PTPRM: variants seen among roughly 807,000 people sequenced by gnomAD.
PTPRM encodes protein tyrosine phosphatase receptor type M.
In PTPRM, 47 loss-of-function variants were observed where a neutral mutation model predicts 186.7. The observed-to-expected ratio is 0.25, with a 90% CI of 0.20 to 0.32. The LOEUF (loss-of-function observed/expected upper bound fraction) is 0.32. Ranked by LOEUF, PTPRM falls within the 10% of genes least tolerant of loss-of-function variation. PTPRM has a pLI of 1.00. For synonymous variants in PTPRM, 668 were observed against 674.9 expected (o/e 0.99, Z 0.16); for missense variants, 1,494 against 1,865.0 (o/e 0.80, Z 3.66).
intron 14 of PTPRM, among the ~76,000 whole-genome samples, chr18:8,147,887 A>G (rs985356194): frequency 6.6e-6 from 1 of 152,166 alleles, no homozygotes; most frequent in Non-Finnish European, 1.5e-5. Context: ...CCTTTTCTGC[A>G]TCTATTGAGA....
intron 11 of PTPRM, among the ~76,000 whole-genome samples, chr18:8,100,768 A>G (rs1194560177): frequency 6.6e-6 from 1 of 152,246 alleles, no homozygotes; most frequent in African/African-American, 2.4e-5. Flanking sequence ...CGAATTGCTC[A>G]AAGAGAATAA....
chr18:8,152,007 T>G (rs565364255), intron 14 of PTPRM, among the ~76,000 whole-genome samples: 4 of 152,068 alleles, frequency 2.6e-5, no homozygotes, highest in Admixed American at 2.0e-4. Flanking sequence ...CCAGTCCCAA[T>G]TTGATGAACC....
chr18:7,604,569 A>T (rs1273908114), intron 1 of PTPRM, among the ~76,000 whole-genome samples: 1 of 152,202 alleles, frequency 6.6e-6, no homozygotes, highest in Non-Finnish European at 1.5e-5. Context: ...TGTGCCGGGA[A>T]TGTTAAGTAT....
intron 14 of PTPRM, among the ~76,000 whole-genome samples, chr18:8,170,331 T>C (rs1004217568): frequency 6.6e-6 from 1 of 152,112 alleles, no homozygotes; most frequent in Non-Finnish European, 1.5e-5. Flanking sequence ...CCCGGTGTGA[T>C]TGATGGCTGT....
At chr18:7,701,189 A>C (rs138673668) in intron 1 of PTPRM, among the ~76,000 whole-genome samples, 224 of 151,380 alleles carry the variant, frequency 1.5e-3, no homozygotes, top group Non-Finnish European at 2.1e-3. Context: ...CTGTAGTCCC[A>C]GCTACTCGGG....
chr18:7,873,421 C>T (rs923929522), intron 2 of PTPRM, among the ~76,000 whole-genome samples: 1 of 152,180 alleles, frequency 6.6e-6, no homozygotes, highest in Non-Finnish European at 1.5e-5. Flanking sequence ...GACTGGATTA[C>T]AATCTGCTTT....
At position 7,852,046 on chromosome 18, in the gene PTPRM, G is replaced by A. The variant is rs554081620; in HGVS notation, c.197-36060G>A. Among the ~76,000 whole-genome samples, 4 of 152,230 alleles carry A rather than the reference G, an allele frequency of 2.6e-5. No individual in the cohort carries two copies. The South Asian group carries it at 8.3e-4, about 32-fold the overall frequency. ...TAGAGAAGGGATATGTAAAGAACAA[G>A]CTACTGGCATGGAAATTATAATAAT... is the stretch of plus-strand genomic sequence containing the variant. On this transcript the variant is annotated intron_variant, in intron 2 of 32. Transcript: ENST00000580170.
intron 1 of PTPRM, among the ~76,000 whole-genome samples, chr18:7,616,236 G>A (rs750182685): frequency 5.9e-5 from 9 of 152,188 alleles, no homozygotes; most frequent in Middle Eastern, 3.4e-3. Flanking sequence ...TGCTCACTGC[G>A]GCCTTGACCT....
chr18:7,746,504 C>T (rs923179758), intron 1 of PTPRM, among the ~76,000 whole-genome samples: 1 of 151,666 alleles, frequency 6.6e-6, no homozygotes, highest in Non-Finnish European at 1.5e-5. Context: ...CTCGCTCTGT[C>T]GCCCAAGCCG....
At chr18:7,787,389 C>CT (rs1568130056) in intron 2 of PTPRM, among the ~76,000 whole-genome samples, 1 of 152,184 alleles carries the variant, frequency 6.6e-6, no homozygotes, top group African/African-American at 2.4e-5. Flanking sequence ...CTTTCACCTG[C>CT]TAGAAACATG....
intron 3 of PTPRM, among the ~76,000 whole-genome samples, chr18:7,896,559 A>G (rs1484173764): frequency 1.3e-5 from 2 of 151,866 alleles, no homozygotes; most frequent in African/African-American, 4.8e-5. Flanking sequence ...ATGGGTCTCC[A>G]TAAAGAAGTG....
At chr18:7,890,284 T>C (rs977435089) in intron 3 of PTPRM, among the ~76,000 whole-genome samples, 1 of 152,116 alleles carries the variant, frequency 6.6e-6, no homozygotes, top group Non-Finnish European at 1.5e-5. Context: ...TGGCTAGACA[T>C]AGGGAAGGGA....
In PTPRM at chr18:7,774,137, T is replaced by C. The variant is rs1310586947; in HGVS notation, c.74-12T>C. ...TGGTATTTACATTACTTTTTATTCT[T>C]TTACATTTTAGGTGGCTGCCTCTTT... On this transcript the variant is annotated splice_polypyrimidine_tract_variant and intron_variant, in intron 1 of 32. Transcript: ENST00000580170. 1 of 1,602,524 alleles carries C rather than the reference T, an allele frequency of 6.2e-7. No individual in the cohort carries two copies. The highest frequency in any genetic ancestry group is 1.7e-5 in the Admixed American group (1 of 59,754).
Position 8,113,417 on chromosome 18 carries a change from G to A in PTPRM, c.1857-69G>A, listed in dbSNP as rs1295551711. ...TATTTTGCGTGTCCTGTGGGTCCAT[G>A]CAGTTGAAGGCAGAGTGGATCAGTT... On this transcript the variant is annotated intron_variant, in intron 11 of 32. Coordinates refer to ENST00000580170, the MANE Select transcript of PTPRM (RefSeq NM_001105244.2). 26 of 1,415,720 alleles carry A rather than the reference G, an allele frequency of 1.8e-5. No homozygotes were observed. The South Asian group carries it at 3.3e-4, about 18-fold the overall frequency. 87.7% of individuals were successfully genotyped at this position (1,415,720 alleles called of 1,614,324 possible). A position where few individuals can be genotyped will look rare whatever the true frequency, so the allele number is the denominator to read the frequency against.
At chr18:8,404,928 AC>A (rs2095895025) in intron 32 of PTPRM, 1 of 150,494 alleles carries the variant, frequency 6.6e-6, no homozygotes, top group South Asian at 2.1e-4. Context: ...GCCACCCGAG[AC>A]CACACCTCAG....
chr18:7,743,000 C>A (rs1482417314), intron 1 of PTPRM, among the ~76,000 whole-genome samples: 1 of 152,196 alleles, frequency 6.6e-6, no homozygotes, highest in Non-Finnish European at 1.5e-5. Context: ...GTGAAAGAAG[C>A]AATCATATTC....
intron 4 of PTPRM, among the ~76,000 whole-genome samples, chr18:7,915,437 A>C (rs1856718257): frequency 6.6e-6 from 1 of 152,132 alleles, no homozygotes; most frequent in Non-Finnish European, 1.5e-5. Context: ...CAATTAAAGT[A>C]GTATGGCAAG....
intron 14 of PTPRM, among the ~76,000 whole-genome samples, chr18:8,218,832 A>C (rs889662806): frequency 2.6e-5 from 4 of 152,186 alleles, no homozygotes; most frequent in African/African-American, 9.6e-5. Context: ...GAATAAGTTG[A>C]ATTTAGGTTC....
intron 22 of PTPRM, among the ~76,000 whole-genome samples, chr18:8,336,712 G>C (rs1386137853): frequency 7.9e-6 from 1 of 126,648 alleles, no homozygotes; most frequent in Non-Finnish European, 1.7e-5. Context: ...GGAAAGGTAG[G>C]GTCACACCTG....
Sources: gnomAD v4.1 joint callset for allele counts (sites outside exome capture counted in the v4.1 genomes callset) on GRCh38, gnomAD v4.1.1 for gene constraint, MANE v1.5 for transcripts, NCBI Gene and HGNC (gene_info 2026-07-23, HGNC 2026-07-21) for gene names.